Variants in FAT3 observed in about 807,000 individuals in gnomAD.
FAT3 encodes protocadherin Fat 3.
A neutral mutation model predicts 310.2 loss-of-function variants in FAT3; 95 were observed. The observed-to-expected ratio is 0.31, with a 90% CI of 0.26 to 0.36. The LOEUF is 0.36. Among genes scored for constraint, FAT3 ranks in the 10% least tolerant of loss-of-function variants. The pLI, the probability that FAT3 is intolerant of heterozygous loss-of-function variation, is 1.00. For missense variants in FAT3, 5,408 were observed against 5,715.6 expected, an observed-to-expected ratio of 0.95 and a Z score of 1.74; for synonymous variants, 2,314 against 2,192.9, an observed-to-expected ratio of 1.06 and a Z score of -1.54.
chr11:92,698,300 C>G (rs563656305), intron 4 of FAT3, among the ~76,000 whole-genome samples: 1 of 152,176 alleles, frequency 6.6e-6, no homozygotes, highest in Non-Finnish European at 1.5e-5. Context: ...CACAAACACA[C>G]CTTTCAAATC....
chr11:92,503,036 G>A (rs548143331), intron 2 of FAT3, among the ~76,000 whole-genome samples: 1 of 152,088 alleles, frequency 6.6e-6, no homozygotes, highest in Admixed American at 6.6e-5. Context: ...GGCCTTGTTG[G>A]CTTTAGTCTG....
intron 1 of FAT3, among the ~76,000 whole-genome samples, chr11:92,296,544 T>G (rs1428748217): frequency 6.6e-6 from 1 of 151,902 alleles, no homozygotes; most frequent in Non-Finnish European, 1.5e-5. Flanking sequence ...GACCTAGGAG[T>G]AGGAAGCAAG....
chr11:92,415,118 C>G (rs1344292122), intron 2 of FAT3, among the ~76,000 whole-genome samples: 1 of 152,052 alleles, frequency 6.6e-6, no homozygotes, highest in Non-Finnish European at 1.5e-5. Flanking sequence ...TTGAAAAATA[C>G]CAAACTTTCT....
intron 3 of FAT3, among the ~76,000 whole-genome samples, chr11:92,590,152 AT>A (rs1245896453): frequency 6.6e-6 from 1 of 152,132 alleles, no homozygotes; most frequent in Non-Finnish European, 1.5e-5. Flanking sequence ...GACACAGAGA[AT>A]TTTCCTAGTC....
At chr11:92,280,456 C>T (rs1032840687) in intron 1 of FAT3, among the ~76,000 whole-genome samples, 9 of 152,104 alleles carry the variant, frequency 5.9e-5, no homozygotes, top group African/African-American at 1.2e-4. Flanking sequence ...ATGTTGAAAA[C>T]ACATATGTAT....
chr11:92,604,952 C>T (rs563502303), intron 3 of FAT3, among the ~76,000 whole-genome samples: 8 of 152,286 alleles, frequency 5.3e-5, no homozygotes, highest in Middle Eastern at 3.4e-3. Flanking sequence ...ATGCCTTCTG[C>T]GTGATGCTTA....
intron 4 of FAT3, among the ~76,000 whole-genome samples, chr11:92,712,490 G>A (rs1303077459): frequency 6.6e-6 from 1 of 152,080 alleles, no homozygotes; most frequent in African/African-American, 2.4e-5. Flanking sequence ...TGAGTCTGTT[G>A]TGAAACCATA....
intron 3 of FAT3, among the ~76,000 whole-genome samples, chr11:92,645,516 C>A (rs577179630): frequency 6.7e-6 from 1 of 148,624 alleles, no homozygotes; most frequent in South Asian, 2.1e-4. Flanking sequence ...AGGTAAACAT[C>A]TTTTCATTAT....
chr11:92,846,916 G>A (rs1225976845), intron 19 of FAT3, among the ~76,000 whole-genome samples: 2 of 152,144 alleles, frequency 1.3e-5, no homozygotes, highest in Admixed American at 6.5e-5. Context: ...AGCTCCAAAG[G>A]TCATCTAGCC....
intron 3 of FAT3, among the ~76,000 whole-genome samples, chr11:92,618,234 G>A (rs1940912384): frequency 1.3e-5 from 2 of 152,210 alleles, no homozygotes; most frequent in South Asian, 4.1e-4. Context: ...TCAGACTGCT[G>A]TGCTAGCGGT....
At chr11:92,613,957 A>G (rs1940688530) in intron 3 of FAT3, among the ~76,000 whole-genome samples, 1 of 152,114 alleles carries the variant, frequency 6.6e-6, no homozygotes, top group Non-Finnish European at 1.5e-5. Context: ...GTCTCTGTAC[A>G]TTTGCCTACT....
In FAT3 at chr11:92,883,489, A is replaced by G. The variant is rs2136420002; in HGVS notation, c.12937+96A>G. 1.4e-6 allele frequency: 2 copies of G among 1,428,906 alleles called. No individual in the cohort carries two copies. The highest frequency in any genetic ancestry group is 1.4e-5 in the South Asian group (1 of 72,146). The allele number at this position is 1,428,906 out of a possible 1,614,324, so 88.5% of individuals were successfully genotyped here. A position where few individuals can be genotyped will look rare whatever the true frequency, so the allele number is the denominator to read the frequency against. ...CTACGGGAAGGGAGAGAGACCCCGCATGCAGAGCATTCGCTATGACATGTG... is the reference window on the plus strand; with the variant it reads ...CTACGGGAAGGGAGAGAGACCCCGCGTGCAGAGCATTCGCTATGACATGTG... On this transcript the variant is annotated intron_variant, in intron 24 of 27. Transcript: ENST00000525166. The surrounding 1 kb of genome is among the most constrained non-coding windows in gnomAD (Gnocchi z 4.2).
chr11:92,225,051 G>C lies in FAT3; in HGVS notation c.-141G>C, dbSNP rs1174397550. On this transcript the variant is annotated 5_prime_UTR_variant, in exon 1 of 28. Transcript: ENST00000525166. The stretch of plus-strand genomic sequence containing the variant: ...GCGGCCTCAGTCCCGGCTAGCGCGC[G>C]GTGGGCGCTGCGGCGGCAGCAGCCG... 6.6e-6 allele frequency among the ~76,000 whole-genome samples: 1 copy of C among 152,142 alleles called. No homozygotes were observed. Among genetic ancestry groups the C allele is most frequent in the African/African-American group, 2.4e-5 (1 of 41,454 alleles).
At chr11:92,420,108 G>A (rs560534042) in intron 2 of FAT3, among the ~76,000 whole-genome samples, 1 of 152,250 alleles carries the variant, frequency 6.6e-6, no homozygotes, top group East Asian at 1.9e-4. Context: ...AAGTTTTAAC[G>A]GAACACAGGT....
intron 2 of FAT3, among the ~76,000 whole-genome samples, chr11:92,369,754 G>A (rs1217623010): frequency 6.6e-6 from 1 of 152,138 alleles, no homozygotes; most frequent in African/African-American, 2.4e-5. Flanking sequence ...GGCTGAGGCA[G>A]GAGAATCGCT....
chr11:92,395,073 G>T (rs1051604917), intron 2 of FAT3, among the ~76,000 whole-genome samples: 1 of 152,172 alleles, frequency 6.6e-6, no homozygotes, highest in African/African-American at 2.4e-5. Context: ...AGTTGAGAGT[G>T]AGTAGTATAA....
intron 2 of FAT3, among the ~76,000 whole-genome samples, chr11:92,389,291 TA>T (rs151046841): frequency 0.077 from 11,748 of 152,232 alleles, 652 homozygotes; most frequent in African/African-American, 0.15. Flanking sequence ...CTAGGAAGTC[TA>T]AGACCAGCTC....
intron 3 of FAT3, among the ~76,000 whole-genome samples, chr11:92,689,587 C>T (rs992569041): frequency 1.3e-5 from 2 of 152,200 alleles, no homozygotes; most frequent in South Asian, 2.1e-4. Flanking sequence ...AAGGCAGAAC[C>T]GGAGGGCTCT....
chr11:92,311,041 C>CAT lies in FAT3; in HGVS notation c.-17-41047_-17-41046dup, dbSNP rs757942092. On this transcript the variant is annotated intron_variant, in intron 1 of 27. Coordinates refer to ENST00000525166, the MANE Select transcript of FAT3 (RefSeq NM_001367949.2). ...ACATATATGTATATATATACATACA[C>CAT]ATATATATACACACACATATATGTG... Among the ~76,000 whole-genome samples, 81 of 150,910 alleles carry CAT rather than the reference C, an allele frequency of 5.4e-4. 1 individual carries two copies. The highest frequency in any genetic ancestry group is 1.6e-3 in the African/African-American group (65 of 41,132).
Sources: gnomAD v4.1 joint callset for allele counts (sites outside exome capture counted in the v4.1 genomes callset) on GRCh38, gnomAD v4.1.1 for gene constraint, Gnocchi (gnomAD v3.1) non-coding constraint, MANE v1.5 for transcripts, NCBI Gene and HGNC (gene_info 2026-07-23, HGNC 2026-07-21) for gene names.